Variants in CHST8 observed in about 807,000 individuals in gnomAD.
CHST8 encodes the protein carbohydrate sulfotransferase 8.
Under a neutral mutation model 15.0 loss-of-function variants are expected in CHST8, and 10 were observed. That is an observed-to-expected ratio of 0.67 (90% confidence interval 0.41 to 1.13). The LOEUF (loss-of-function observed/expected upper bound fraction) is 1.13, where lower values mean the gene tolerates loss of function less well. CHST8 is among the 50% of genes most tolerant of loss of function. CHST8 has a pLI of 0.00. For missense variants in CHST8, 634 were observed against 608.2 expected (o/e 1.04, Z -0.45); for synonymous variants, 259 against 256.6 (o/e 1.01, Z -0.09).
At chr19:33,735,416 C>T (rs1376624527) in intron 3 of CHST8, among the ~76,000 whole-genome samples, 1 of 152,254 alleles carries the variant, frequency 6.6e-6, no homozygotes, top group Non-Finnish European at 1.5e-5. Flanking sequence ...TGCCTCCAGC[C>T]AGGCTGCCCC....
At chr19:33,629,214 C>T (rs956904024) in intron 1 of CHST8, among the ~76,000 whole-genome samples, 1 of 152,218 alleles carries the variant, frequency 6.6e-6, no homozygotes, top group Non-Finnish European at 1.5e-5. Context: ...CGGATGCCCA[C>T]TTCCCTCCGG....
At chr19:33,667,160 G>A (rs1972674769) in intron 1 of CHST8, among the ~76,000 whole-genome samples, 1 of 152,186 alleles carries the variant, frequency 6.6e-6, no homozygotes, top group Non-Finnish European at 1.5e-5. Context: ...CAGATGGAGG[G>A]TGAAGGGCAC....
At chr19:33,682,181 G>GTT (rs1568325310) in intron 2 of CHST8, among the ~76,000 whole-genome samples, 6 of 129,692 alleles carry the variant, frequency 4.6e-5, no homozygotes, top group African/African-American at 1.8e-4. Context: ...TGTGGTTTTT[G>GTT]TTGTTGTTTT....
chr19:33,708,225 T>C (rs1973482978), intron 3 of CHST8, among the ~76,000 whole-genome samples: 1 of 152,180 alleles, frequency 6.6e-6, no homozygotes, highest in Admixed American at 6.5e-5. Context: ...AGTGGAAAAG[T>C]TTCTAAATTT....
At chr19:33,630,991 T>G (rs111270981) in intron 1 of CHST8, among the ~76,000 whole-genome samples, 65 of 152,132 alleles carry the variant, frequency 4.3e-4, no homozygotes, top group African/African-American at 1.5e-3. Flanking sequence ...TCAGGCTCTG[T>G]CTCCCAGAGC....
At chr19:33,638,465 T>C (rs1972235915) in intron 1 of CHST8, among the ~76,000 whole-genome samples, 1 of 152,154 alleles carries the variant, frequency 6.6e-6, no homozygotes, top group Non-Finnish European at 1.5e-5. Context: ...TCATTGCCAG[T>C]GTAGGACTTC....
chr19:33,667,007 C>G (rs2145227870), intron 1 of CHST8, among the ~76,000 whole-genome samples: 1 of 152,248 alleles, frequency 6.6e-6, no homozygotes, highest in Non-Finnish European at 1.5e-5. Context: ...GAAAGGGACC[C>G]CAGGGATGCC....
chr19:33,695,412 A>G (rs1973190363), intron 3 of CHST8, among the ~76,000 whole-genome samples: 1 of 152,142 alleles, frequency 6.6e-6, no homozygotes, highest in African/African-American at 2.4e-5. Flanking sequence ...ATACTCATTT[A>G]CTACTTTTAA....
At chr19:33,648,656 C>G (rs534980882) in intron 1 of CHST8, among the ~76,000 whole-genome samples, 2 of 152,228 alleles carry the variant, frequency 1.3e-5, no homozygotes, top group African/African-American at 4.8e-5. Context: ...AGCAATTCCT[C>G]AAGAGGTTAA....
At chr19:33,652,743 T>G (rs985240166) in intron 1 of CHST8, among the ~76,000 whole-genome samples, 20 of 152,224 alleles carry the variant, frequency 1.3e-4, no homozygotes, top group Non-Finnish European at 1.5e-5. Context: ...TGTTTCTTTT[T>G]AAAATCTATC....
rs143289315 is a variant in CHST8 at position 33,762,266 on chromosome 19, C to T, written c.131-9147C>T. Among the ~76,000 whole-genome samples the T allele has an allele frequency of 4.0e-3, 608 of 152,266 alleles. 15 individuals are homozygous for T. The highest frequency in any genetic ancestry group is 0.037 in the Admixed American group (564 of 15,298). ...CAGGCAGGGCACCAGCTCAGGACTC[C>T]CCTTCCCAACCCACTCAGTGATGGG... On this transcript the variant is annotated intron_variant, in intron 3 of 4. Coordinates refer to ENST00000650847, the MANE Select transcript of CHST8 (RefSeq NM_001127895.2).
chr19:33,704,592 T>A lies in CHST8; in HGVS notation c.130+15201T>A, dbSNP rs568858378. 2.0e-5 allele frequency among the ~76,000 whole-genome samples: 3 copies of A among 152,328 alleles called. No homozygotes were observed. In the South Asian group the frequency reaches 6.2e-4, roughly 32 times the overall value. ...TCCAGGGTGGCCAGGTCATCCTTTT[T>A]GTTTTTGTTTTGTTTTTTATAAAAG... On this transcript the variant is annotated intron_variant, in intron 3 of 4. Coordinates refer to ENST00000650847, the MANE Select transcript of CHST8 (RefSeq NM_001127895.2).
At chr19:33,701,042 A>G (rs1257737800) in intron 3 of CHST8, among the ~76,000 whole-genome samples, 1 of 151,994 alleles carries the variant, frequency 6.6e-6, no homozygotes, top group African/African-American at 2.4e-5. Context: ...TAGCTTTGGG[A>G]CCATCATTGA....
At chr19:33,756,231 G>A (rs1265309354) in intron 3 of CHST8, among the ~76,000 whole-genome samples, 4 of 152,192 alleles carry the variant, frequency 2.6e-5, no homozygotes, top group Non-Finnish European at 1.5e-5. Flanking sequence ...GCTATTTCCA[G>A]TGTTTACATC....
intron 3 of CHST8, among the ~76,000 whole-genome samples, chr19:33,700,073 C>T (rs962234765): frequency 2.0e-5 from 3 of 152,184 alleles, no homozygotes; most frequent in Admixed American, 6.5e-5. Context: ...CCGGTCCTCG[C>T]GCAGCTGGGC....
chr19:33,627,152 G>A (rs1439863603), intron 1 of CHST8, among the ~76,000 whole-genome samples: 1 of 150,782 alleles, frequency 6.6e-6, no homozygotes, highest in Non-Finnish European at 1.5e-5. Context: ...AGCCTGGAGT[G>A]TACAGTGGTG....
Position 33,772,163 on chromosome 19 carries a change from C to G in CHST8, c.375C>G (p.Ile125Met). 1 of 1,602,020 alleles carries G rather than the reference C, an allele frequency of 6.2e-7. No individual in the cohort carries two copies. Residue 125 changes from isoleucine (I) to methionine (M), a missense_variant, in exon 5 of 5, where the codon ATC becomes ATG. Ile to Met is a conservative substitution (Grantham distance 10, BLOSUM62 1). Coordinates refer to ENST00000650847, the MANE Select transcript of CHST8 (RefSeq NM_001127895.2). ...LIKKMPAAAT[I>M]PANSSDAPFI... The stretch of plus-strand genomic sequence containing the variant: ...AGAAAATGCCAGCTGCGGCGACCAT[C>G]CCGGCCAACAGCTCGGACGCGCCCT...
chr19:33,687,196 G>C (rs1972996589), intron 2 of CHST8, among the ~76,000 whole-genome samples: 1 of 152,238 alleles, frequency 6.6e-6, no homozygotes, highest in Non-Finnish European at 1.5e-5. Flanking sequence ...GGAAGGGCTT[G>C]GGGGACGGTA....
At chr19:33,678,510 G>C (rs938228330) in intron 2 of CHST8, among the ~76,000 whole-genome samples, 2 of 152,148 alleles carry the variant, frequency 1.3e-5, no homozygotes, top group African/African-American at 4.8e-5. Flanking sequence ...GGGAGGCCAA[G>C]GTAAGAGGAT....
Sources: allele counts gnomAD v4.1 joint callset (sites outside exome capture counted in the v4.1 genomes callset), GRCh38; gene constraint gnomAD v4.1.1; transcripts MANE v1.5; gene names NCBI Gene and HGNC (gene_info 2026-07-23, HGNC 2026-07-21).